FAM227A: variants seen among roughly 807,000 people sequenced by gnomAD.
The protein encoded by FAM227A is protein FAM227A.
In FAM227A, 80 loss-of-function variants were observed where a neutral mutation model predicts 74.7. The observed-to-expected ratio is 1.07, with a 90% CI of 0.89 to 1.29. FAM227A has a LOEUF of 1.29. Among genes scored for constraint, FAM227A ranks in the 50% most tolerant of loss-of-function variants. The pLI is 0.00. For synonymous variants in FAM227A, 237 were observed against 241.8 expected (o/e 0.98, Z 0.19); for missense variants, 654 against 683.4 (o/e 0.96, Z 0.48).
chr22:38,590,867 C>T (rs1478947577), intron 16 of FAM227A, among the ~76,000 whole-genome samples: 1 of 152,060 alleles, frequency 6.6e-6, no homozygotes, highest in African/African-American at 2.4e-5. Flanking sequence ...TCACTGCAAC[C>T]TCCAGCTCCC....
rs369381900 is a variant in FAM227A, at chr22:38,594,194, G to A, written c.1533-2654C>T. ...AGTCGCCTACCTGTCTCTGCCCCAC[G>A]TTTTGGAGTCTGGCCACTACATTGC... On this transcript the variant is annotated intron_variant, in intron 15 of 16. Coordinates refer to ENST00000535113, the MANE Select transcript of FAM227A (RefSeq NM_001013647.2). Among the ~76,000 whole-genome samples, 22 of 152,210 alleles carry A rather than the reference G, an allele frequency of 1.4e-4. No homozygotes were observed. In the East Asian group the frequency reaches 2.5e-3, roughly 17 times the overall value.
intron 2 of FAM227A, 57 bp from the exon 3 acceptor site, chr22:38,645,702 G>T: frequency 8.8e-7 from 1 of 1,139,596 alleles, no homozygotes; most frequent in Non-Finnish European, 1.3e-6. Flanking sequence ...ACAACAGGAT[G>T]GGGCTTGTCT....
intron 11 of FAM227A, among the ~76,000 whole-genome samples, chr22:38,619,823 G>T (rs554427497): frequency 5.9e-5 from 9 of 152,284 alleles, no homozygotes; most frequent in African/African-American, 2.2e-4. Flanking sequence ...GTGGTTCTGG[G>T]AGGTACATCA....
intron 6 of FAM227A, among the ~76,000 whole-genome samples, chr22:38,635,692 A>G (rs1484336399): frequency 6.6e-6 from 1 of 152,210 alleles, no homozygotes; most frequent in Non-Finnish European, 1.5e-5. Flanking sequence ...TAATGTCTAC[A>G]TAAGAAAGAA....
intron 1 of FAM227A, 148 bp downstream of exon 1, chr22:38,655,972 C>A (rs2092386945): frequency 6.6e-6 from 1 of 152,260 alleles, no homozygotes; most frequent in Non-Finnish European, 1.5e-5. Flanking sequence ...AGTTGATTCT[C>A]CAGTAGTTCT....
intron 11 of FAM227A, 48 bp from the exon 12 acceptor site, chr22:38,607,524 G>T (rs1306046978): frequency 7.8e-7 from 1 of 1,283,950 alleles, no homozygotes; most frequent in South Asian, 1.3e-5. Context: ...GAGAGAGAGA[G>T]AACAAAATAA....
Position 38,585,992 on chromosome 22 carries a change from T to C in FAM227A, c.*133A>G. 3 of 1,526,404 alleles carry C rather than the reference T, an allele frequency of 2.0e-6. No individual in the cohort carries two copies. Among genetic ancestry groups the C allele is most frequent in the Non-Finnish European group, 2.6e-6 (3 of 1,134,368 alleles). The allele number at this position is 1,526,404 out of a possible 1,614,324, so 94.6% of individuals were successfully genotyped here. A position where few individuals can be genotyped will look rare whatever the true frequency, so the allele number is the denominator to read the frequency against. On this transcript the variant is annotated 3_prime_UTR_variant, in exon 17 of 17. Coordinates refer to ENST00000535113, the MANE Select transcript of FAM227A (RefSeq NM_001013647.2). ...CTAGGAAAAACTACAACGGAATCCT[T>C]CCCCTATGGAGAAATCATGATTCCT...
chr22:38,642,818 C>A (rs749882790), intron 3 of FAM227A, among the ~76,000 whole-genome samples: 1 of 151,810 alleles, frequency 6.6e-6, no homozygotes, highest in Non-Finnish European at 1.5e-5. Context: ...TGTCTGTAAT[C>A]CCAGCTATTA....
chr22:38,591,271 C>T, intron 16 of FAM227A, 164 bp downstream of exon 16: 1 of 1,305,710 alleles, frequency 7.7e-7, no homozygotes, highest in Non-Finnish European at 9.9e-7. Flanking sequence ...CTGCAGTGAG[C>T]TATGATGGCA....
chr22:38,590,909 C>T lies in FAM227A; in HGVS notation c.1638+526G>A, dbSNP rs534761243. 7.9e-5 allele frequency among the ~76,000 whole-genome samples: 12 copies of T among 152,054 alleles called. No homozygotes were observed. The East Asian group carries it at 1.9e-3, about 25-fold the overall frequency. On this transcript the variant is annotated intron_variant, in intron 16 of 16. Transcript: ENST00000535113. Reference sequence around the variant, plus strand: ...AAGCGATTCTCCTGCCTCAGCCTCCCGAGTAGCTGGGATTACAGGCACGTA... The same window carrying T: ...AAGCGATTCTCCTGCCTCAGCCTCCTGAGTAGCTGGGATTACAGGCACGTA...
intron 10 of FAM227A, among the ~76,000 whole-genome samples, chr22:38,622,944 CATT>C (rs2091722495): frequency 1.3e-5 from 2 of 149,438 alleles, no homozygotes; most frequent in South Asian, 4.3e-4. Flanking sequence ...GGTAGACACT[CATT>C]ATCTGGCATC....
chr22:38,613,425 T>TATATATTATACATGTTATATATATAATA (rs1555960391), intron 11 of FAM227A, among the ~76,000 whole-genome samples: 1 of 5,780 alleles, frequency 1.7e-4, no homozygotes, highest in African/African-American at 3.9e-4. Context: ...TATATATAAT[T>TATATATTATACATGTTATATATATAATA]TGTTTGTTTT....
intron 11 of FAM227A, among the ~76,000 whole-genome samples, chr22:38,617,292 C>CTTTTT (rs35990617): frequency 8.6e-6 from 1 of 116,154 alleles, no homozygotes; most frequent in Non-Finnish European, 1.8e-5. Context: ...TGAGAACAGA[C>CTTTTT]TTTTTTTTTT....
rs149972576 is a variant in FAM227A at position 38,614,060 on chromosome 22, T to C, written c.1038+6152A>G. ...TTTGTGTTTGTAGTAGAGACAGGGT[T>C]TCACCATGTTGGCCAGGTTAAGAGC... On this transcript the variant is annotated intron_variant, in intron 11 of 16. Transcript: ENST00000535113. Among the ~76,000 whole-genome samples the C allele has an allele frequency of 5.5e-3, 835 of 152,266 alleles. 5 individuals carry two copies. Among genetic ancestry groups the C allele is most frequent in the African/African-American group, 0.019 (789 of 41,550 alleles).
At chr22:38,628,692 C>T (rs1008145478) in intron 7 of FAM227A, 142 bp downstream of exon 7, 29 of 666,826 alleles carry the variant, frequency 4.3e-5, no homozygotes, top group East Asian at 2.5e-4. Flanking sequence ...AGGCATGGGA[C>T]GGGAGGGGAC....
In FAM227A at chr22:38,628,887, GAGA is replaced by G. The variant is rs201151092; in HGVS notation, c.565_567del (p.Ser189del). ...AAGCTATCCAGCCAGATGGCTCTTG[GAGA>G]AGAAGAAGAGAGAAACTTCTCTAAT... On this transcript the variant is annotated inframe_deletion, in exon 7 of 17. Transcript: ENST00000535113. 1.2e-3 allele frequency: 1,911 copies of G among 1,546,696 alleles called. 10 individuals are homozygous for G. Among genetic ancestry groups the G allele is most frequent in the African/African-American group, 8.3e-3 (602 of 72,816 alleles).
At chr22:38,598,888 G>A (rs1032777539) in intron 14 of FAM227A, among the ~76,000 whole-genome samples, 5 of 151,906 alleles carry the variant, frequency 3.3e-5, no homozygotes, top group East Asian at 1.9e-4. Context: ...AATAGAACCC[G>A]TGTTCTCTGA....
chr22:38,623,341 G>T, intron 9 of FAM227A, 62 bp from the exon 10 acceptor site: 2 of 1,144,744 alleles, frequency 1.7e-6, no homozygotes. Flanking sequence ...TGTAATCCCA[G>T]AACTTTGAGA....
At chr22:38,647,451 AAAAC>A (rs1241879363) in intron 2 of FAM227A, among the ~76,000 whole-genome samples, 2 of 152,108 alleles carry the variant, frequency 1.3e-5, no homozygotes, top group African/African-American at 4.8e-5. Context: ...GTGACAAAAA[AAAAC>A]AAAACAACGA....
Sources: gnomAD v4.1 joint callset for allele counts (sites outside exome capture counted in the v4.1 genomes callset) on GRCh38, gnomAD v4.1.1 for gene constraint, MANE v1.5 for transcripts, NCBI Gene and HGNC (gene_info 2026-07-23, HGNC 2026-07-21) for gene names.